CRYBG1: variants seen among roughly 807,000 people sequenced by gnomAD.
CRYBG1 encodes crystallin beta-gamma domain containing 1.
In CRYBG1, 139 loss-of-function variants were observed where a neutral mutation model predicts 189.2. The observed-to-expected ratio is 0.73, with a 90% CI of 0.64 to 0.85. The LOEUF (loss-of-function observed/expected upper bound fraction) is 0.85, where lower values mean the gene tolerates loss of function less well. Ranked by LOEUF, CRYBG1 falls within the 40% of genes least tolerant of loss-of-function variation. The pLI, the probability that CRYBG1 is intolerant of heterozygous loss-of-function variation, is 0.00. For synonymous variants in CRYBG1, 1,023 were observed against 1,017.1 expected (o/e 1.01, Z -0.11); for missense variants, 2,611 against 2,675.8 (o/e 0.98, Z 0.53).
At chr6:106,373,512 CAAAAGGATTATGA>C (rs1004472082) in intron 1 of CRYBG1, among the ~76,000 whole-genome samples, 1 of 152,130 alleles carries the variant, frequency 6.6e-6, no homozygotes, top group African/African-American at 2.4e-5. Context: ...GAGTTTGATG[CAAAAGGATTATGA>C]AAACCTTGTA....
chr6:106,464,647 A>G (rs1300836039), intron 2 of CRYBG1, among the ~76,000 whole-genome samples: 1 of 152,230 alleles, frequency 6.6e-6, no homozygotes, highest in Non-Finnish European at 1.5e-5. Context: ...TGTTCTGAGC[A>G]TTGATGCTAT....
rs1048422898 is a variant in CRYBG1, at chr6:106,363,452, A to G, written c.173+2371A>G. Among the ~76,000 whole-genome samples, 23 of 152,282 alleles carry G rather than the reference A, an allele frequency of 1.5e-4. 1 individual carries two copies. The highest frequency in any genetic ancestry group is 2.4e-4 in the Non-Finnish European group (16 of 68,034). Reference sequence around the variant, plus strand: ...GATCATCTTTATAAATATTTCATTTACTTCTAAGAGAGTGTACTTCTTTCT... The same window carrying G: ...GATCATCTTTATAAATATTTCATTTGCTTCTAAGAGAGTGTACTTCTTTCT... On this transcript the variant is annotated intron_variant, in intron 1 of 21. Coordinates refer to ENST00000633556, the MANE Select transcript of CRYBG1 (RefSeq NM_001371242.2).
Position 106,519,158 on chromosome 6 carries a change from A to G in CRYBG1, c.1950A>G (p.Leu650=). ...CTGCCAAGCCCAAACATGTGGAACT[A>G]AATCTTAAAACCCCTAAGAATCTTG... ...TLPAKPKHVE[L]NLKTPKNLDS... is the part of the protein sequence containing the mutation. The change falls in exon 4 of 22, where the codon CTA becomes CTG. Residue 650 remains leucine (L), a synonymous_variant. Transcript: ENST00000633556. 6.2e-7 allele frequency: 1 copy of G among 1,613,818 alleles called. No individual in the cohort carries two copies. Among genetic ancestry groups the G allele is most frequent in the Non-Finnish European group, 8.5e-7 (1 of 1,179,892 alleles).
At chr6:106,503,741 A>G (rs9386561) in intron 2 of CRYBG1, among the ~76,000 whole-genome samples, 48,735 of 152,068 alleles carry the variant, frequency 0.32, 8,442 homozygotes, top group South Asian at 0.44. Context: ...GCTTGAAACA[A>G]TTAGGTTTCA....
chr6:106,547,192 AC>A (rs1774282894), intron 13 of CRYBG1, among the ~76,000 whole-genome samples: 2 of 19,924 alleles, frequency 1.0e-4, no homozygotes, highest in African/African-American at 1.5e-4. Flanking sequence ...ACGTGGACAC[AC>A]ACACACACAC....
intron 17 of CRYBG1, 36 bp downstream of exon 17, chr6:106,555,933 T>G: frequency 6.2e-7 from 1 of 1,612,694 alleles, no homozygotes; most frequent in Non-Finnish European, 8.5e-7. Flanking sequence ...TGCAGAAATG[T>G]ATGCCTCATA....
chr6:106,425,432 A>C (rs1473822193), intron 1 of CRYBG1, among the ~76,000 whole-genome samples: 1 of 152,174 alleles, frequency 6.6e-6, no homozygotes, highest in Non-Finnish European at 1.5e-5. Context: ...CTATACTTGC[A>C]GTTAACTCCC....
chr6:106,495,818 G>GCA (rs1491221729), intron 2 of CRYBG1, among the ~76,000 whole-genome samples: 1 of 42,122 alleles, frequency 2.4e-5, no homozygotes, highest in African/African-American at 1.7e-4. Flanking sequence ...TTTTCCTTGA[G>GCA]TAAAAAAAAA....
At position 106,568,551 on chromosome 6, in the gene CRYBG1, G is replaced by A; in HGVS notation, c.6381G>A (p.Met2127Ile). Residue 2127 changes from methionine (M) to isoleucine (I), a missense_variant, in exon 22 of 22, where the codon ATG becomes ATA. Physicochemically the swap from Met to Ile is conservative, Grantham distance 10. Around this residue, in one of 3 missense-constraint regions of CRYBG1, gnomAD observed 1,622 missense variants for 1,735.0 expected, o/e 0.93. Coordinates refer to ENST00000633556, the MANE Select transcript of CRYBG1 (RefSeq NM_001371242.2). ...AGTTTACACAAGTGTGGGAAGCCAT[G>A]GTCCTATATACCTGAACAAAGAAGG... Reference protein sequence around the residue: ...KEKFTQVWEAMVLYT With the variant: ...KEKFTQVWEAIVLYT The A allele has an allele frequency of 6.2e-7, 1 of 1,611,216 alleles. No individual in the cohort carries two copies. The highest frequency in any genetic ancestry group is 8.5e-7 in the Non-Finnish European group (1 of 1,177,358).
At chr6:106,517,391 TATATATATATACACACACAC>T (rs1773457368) in intron 3 of CRYBG1, among the ~76,000 whole-genome samples, 1 of 14,726 alleles carries the variant, frequency 6.8e-5, no homozygotes, top group African/African-American at 1.8e-4. Context: ...TATACACACA[TATATATATATACACACACAC>T]ATATATACAC....
At chr6:106,402,607 G>A (rs1347167825) in intron 1 of CRYBG1, among the ~76,000 whole-genome samples, 2 of 148,498 alleles carry the variant, frequency 1.3e-5, no homozygotes, top group Admixed American at 1.3e-4. Flanking sequence ...GTAGAAAGCT[G>A]AAACTGGATC....
At chr6:106,414,354 G>T (rs1770983280) in intron 1 of CRYBG1, among the ~76,000 whole-genome samples, 1 of 152,232 alleles carries the variant, frequency 6.6e-6, no homozygotes, top group African/African-American at 2.4e-5. Flanking sequence ...GATTGGCCTT[G>T]GCCAGAGGAA....
At chr6:106,567,983 T>C (rs1774941846) in intron 21 of CRYBG1, among the ~76,000 whole-genome samples, 1 of 152,182 alleles carries the variant, frequency 6.6e-6, no homozygotes, top group South Asian at 2.1e-4. Flanking sequence ...ATACAGCCCG[T>C]TTTCATTGTT....
chr6:106,432,743 G>C (rs1771354138), intron 1 of CRYBG1, among the ~76,000 whole-genome samples: 1 of 152,106 alleles, frequency 6.6e-6, no homozygotes, highest in Admixed American at 6.5e-5. Flanking sequence ...TGGCCTTTGA[G>C]GCCCCTCCAT....
intron 1 of CRYBG1, among the ~76,000 whole-genome samples, chr6:106,367,756 G>A (rs1023460792): frequency 1.2e-4 from 18 of 148,518 alleles, no homozygotes; most frequent in African/African-American, 4.2e-4. Flanking sequence ...TTGAGCCTAG[G>A]AGTTCAAGAC....
At chr6:106,401,652 C>T (rs28552076) in intron 1 of CRYBG1, among the ~76,000 whole-genome samples, 8,971 of 111,502 alleles carry the variant, frequency 0.08, 465 homozygotes, top group East Asian at 0.14. Context: ...TGAGAATATG[C>T]GGTGTTTGGT....
chr6:106,553,367 G>C lies in CRYBG1; in HGVS notation c.5473-88G>C, dbSNP rs183363346. On this transcript the variant is annotated intron_variant, in intron 15 of 21. Transcript: ENST00000633556. ...CAGTTTACTGTAACAAAAGTCAGCAGGTCATGTTTAGGTCATCATTTCAAA... is the reference window on the plus strand; with the variant it reads ...CAGTTTACTGTAACAAAAGTCAGCACGTCATGTTTAGGTCATCATTTCAAA... 1.0e-4 allele frequency: 84 copies of C among 809,956 alleles called. 1 individual carries two copies. The African/African-American group carries it at 1.3e-3, about 12-fold the overall frequency. 50.2% of individuals were successfully genotyped at this position (809,956 alleles called of 1,614,324 possible).
At chr6:106,419,207 T>C (rs1334771445) in intron 1 of CRYBG1, among the ~76,000 whole-genome samples, 1 of 152,218 alleles carries the variant, frequency 6.6e-6, no homozygotes, top group African/African-American at 2.4e-5. Flanking sequence ...TGTCTGCAGC[T>C]CAATTTTACA....
Position 106,433,757 on chromosome 6 carries a change from G to GTATATATATA in CRYBG1, c.174-17936_174-17935insATATATATAT, listed in dbSNP as rs1562305866. On this transcript the variant is annotated intron_variant, in intron 1 of 21. Coordinates refer to ENST00000633556, the MANE Select transcript of CRYBG1 (RefSeq NM_001371242.2). ...TATACATATATATGTATATATATAT[G>GTATATATATA]TGTATATATATATATGTATATATAT... Among the ~76,000 whole-genome samples the GTATATATATA allele has an allele frequency of 6.0e-3, 141 of 23,540 alleles. 6 individuals carry two copies. The highest frequency in any genetic ancestry group is 0.015 in the African/African-American group (131 of 9,018). The allele number at this position is 23,540 out of a possible 152,430, so 15.4% of individuals were successfully genotyped here.
Sources: gnomAD v4.1 joint callset for allele counts (sites outside exome capture counted in the v4.1 genomes callset) on GRCh38, gnomAD v4.1.1 for gene constraint, gnomAD v4.1.1 regional missense constraint, MANE v1.5 for transcripts, NCBI Gene and HGNC (gene_info 2026-07-23, HGNC 2026-07-21) for gene names.